The following ZNF2 variants were observed in gnomAD, a reference collection of about 807,000 sequenced individuals.
ZNF2 encodes zinc finger protein 2.
ZNF2 carries 12 observed loss-of-function variants against 21.9 expected under a neutral mutation model. That is an observed-to-expected ratio of 0.55 (90% CI 0.35 to 0.89). The LOEUF (loss-of-function observed/expected upper bound fraction) is 0.89. Among genes scored for constraint, ZNF2 ranks in the 40% least tolerant of loss-of-function variants. The probability of loss-of-function intolerance (pLI) is 0.01; values close to 1 mark genes in which losing one functional copy is unlikely to be tolerated. For synonymous variants in ZNF2, 186 were observed against 196.3 expected, an observed-to-expected ratio of 0.95 and a Z score of 0.44; for missense variants, 462 against 544.2, an observed-to-expected ratio of 0.85 and a Z score of 1.50.
At chr2:95,166,832 T>C (rs753391619) in intron 1 of ZNF2, among the ~76,000 whole-genome samples, 1 of 152,182 alleles carries the variant, frequency 6.6e-6, no homozygotes, top group Non-Finnish European at 1.5e-5. Flanking sequence ...TGGAATTGCC[T>C]AAAGGAAGAT....
rs1674706350 is a variant in ZNF2 at position 95,182,363 on chromosome 2, A to G, written c.*257A>G. ...TAGGATAGATGTTAGGAGGAGACAC[A>G]CCTCTTGTCTGAGAACCTAGGCCCC... On this transcript the variant is annotated 3_prime_UTR_variant, in exon 5 of 5. Transcript: ENST00000614034. 5.2e-6 allele frequency: 2 copies of G among 387,066 alleles called. No homozygotes were observed. The highest frequency in any genetic ancestry group is 9.2e-6 in the Non-Finnish European group (2 of 217,686). The allele number at this position is 387,066 out of a possible 1,614,324, so 24.0% of individuals were successfully genotyped here.
chr2:95,169,560 G>A (rs1411725395), intron 1 of ZNF2, among the ~76,000 whole-genome samples: 4 of 152,222 alleles, frequency 2.6e-5, no homozygotes, highest in East Asian at 1.9e-4. Flanking sequence ...TTCAAGACCC[G>A]CCCGGCCAAG....
chr2:95,179,370 G>T (rs1239975634), intron 3 of ZNF2, among the ~76,000 whole-genome samples: 1 of 152,172 alleles, frequency 6.6e-6, no homozygotes, highest in African/African-American at 2.4e-5. Flanking sequence ...TACACTGTAG[G>T]CAAGGTGATT....
chr2:95,177,268 C>T (rs72819466), intron 2 of ZNF2, among the ~76,000 whole-genome samples: 1,871 of 152,272 alleles, frequency 0.012, 19 homozygotes, highest in Non-Finnish European at 0.021. Flanking sequence ...TTCAGAAGCT[C>T]AGCTGTAAGT....
At position 95,183,934 on chromosome 2, in the gene ZNF2, A is replaced by G. The variant is rs1674777189; in HGVS notation, c.*1828A>G. 6.6e-6 allele frequency: 1 copy of G among 151,942 alleles called. No homozygotes were observed. Among genetic ancestry groups the G allele is most frequent in the Non-Finnish European group, 1.5e-5 (1 of 68,006 alleles). The allele number at this position is 151,942 out of a possible 1,614,324, so 9.4% of individuals were successfully genotyped here. ...CGTGCCCGGCCTATATTTTTATTTT[A>G]TTAAAGGTTAGGCACTAGATGACCT... On this transcript the variant is annotated 3_prime_UTR_variant, in exon 5 of 5. Transcript: ENST00000614034.
In ZNF2 at chr2:95,180,214, G is replaced by A. The variant is rs373120770; in HGVS notation, c.216G>A (p.Pro72=). 3.0e-5 allele frequency: 49 copies of A among 1,614,024 alleles called. No homozygotes were observed. The highest frequency in any genetic ancestry group is 1.0e-4 in the Admixed American group (6 of 60,004). The change falls in exon 4 of 5, where the codon CCG becomes CCA. Residue 72 remains proline (P), a synonymous_variant. Transcript: ENST00000614034. The part of the protein sequence containing the change: ...VIFQLKRGDK[P]WMVDLHGSEE... ...TCCAATTGAAGAGAGGGGACAAGCC[G>A]TGGATGGTAGATCTTCATGGGTCTG...
intron 1 of ZNF2, among the ~76,000 whole-genome samples, chr2:95,172,541 TTTA>T (rs1466370591): frequency 3.9e-5 from 6 of 152,184 alleles, no homozygotes; most frequent in African/African-American, 1.4e-4. Flanking sequence ...TCATTTACAT[TTTA>T]TTATGTGTTT....
chr2:95,166,382 T>C (rs1674041417), intron 1 of ZNF2, among the ~76,000 whole-genome samples: 1 of 151,918 alleles, frequency 6.6e-6, no homozygotes, highest in African/African-American at 2.4e-5. Context: ...TGGAGATAGT[T>C]TTTACAGAAA....
intron 1 of ZNF2, among the ~76,000 whole-genome samples, chr2:95,169,097 T>G (rs1674186849): frequency 1.3e-5 from 2 of 152,144 alleles, no homozygotes; most frequent in African/African-American, 4.8e-5. Context: ...GTGAGTTTGG[T>G]GGATTTGAGA....
intron 3 of ZNF2, among the ~76,000 whole-genome samples, chr2:95,178,238 G>A (rs527779976): frequency 1.7e-4 from 26 of 152,320 alleles, no homozygotes; most frequent in African/African-American, 5.8e-4. Context: ...TGGAGGTTAT[G>A]AGAACCTTTC....
chr2:95,166,695 G>A (rs1292738514), intron 1 of ZNF2, among the ~76,000 whole-genome samples: 1 of 152,180 alleles, frequency 6.6e-6, no homozygotes, highest in Non-Finnish European at 1.5e-5. Flanking sequence ...TGCAAAAGAA[G>A]AGTCAAAAGG....
At chr2:95,177,635 A>G (rs1256325892) in intron 3 of ZNF2, 26 bp downstream of exon 3, 11 of 1,610,328 alleles carry the variant, frequency 6.8e-6, no homozygotes, top group Admixed American at 5.1e-5. Context: ...ATGAGGAGGT[A>G]CAGTCTGTAC....
At chr2:95,166,120 C>T (rs1674022781) in intron 1 of ZNF2, among the ~76,000 whole-genome samples, 1 of 151,730 alleles carries the variant, frequency 6.6e-6, no homozygotes, top group Admixed American at 6.6e-5. Flanking sequence ...GAGTCTTCCT[C>T]CGCCTCTCCC....
At chr2:95,167,869 T>C (rs1377877676) in intron 1 of ZNF2, among the ~76,000 whole-genome samples, 1 of 148,096 alleles carries the variant, frequency 6.8e-6, no homozygotes, top group African/African-American at 2.5e-5. Flanking sequence ...AAAAAAGTAG[T>C]TTTCAAGCAT....
At chr2:95,168,568 G>A (rs575273786) in intron 1 of ZNF2, among the ~76,000 whole-genome samples, 3 of 152,162 alleles carry the variant, frequency 2.0e-5, no homozygotes, top group Non-Finnish European at 2.9e-5. Flanking sequence ...CACACATCTC[G>A]CTGCCCTAGC....
intron 1 of ZNF2, among the ~76,000 whole-genome samples, chr2:95,173,956 G>T (rs758949935): frequency 6.6e-6 from 1 of 152,196 alleles, no homozygotes; most frequent in Non-Finnish European, 1.5e-5. Flanking sequence ...TGATCCGCAT[G>T]TCTTGGCCTC....
intron 1 of ZNF2, among the ~76,000 whole-genome samples, chr2:95,166,112 G>A (rs1674022402): frequency 6.6e-6 from 1 of 151,964 alleles, no homozygotes; most frequent in Non-Finnish European, 1.5e-5. Context: ...GAGGTTTGGA[G>A]TCTTCCTCCG....
At chr2:95,173,398 C>T (rs1674346705) in intron 1 of ZNF2, among the ~76,000 whole-genome samples, 1 of 152,174 alleles carries the variant, frequency 6.6e-6, no homozygotes, top group Non-Finnish European at 1.5e-5. Flanking sequence ...AGTCATACAT[C>T]AGGCTTCCCT....
intron 1 of ZNF2, among the ~76,000 whole-genome samples, chr2:95,167,863 AAGT>A (rs1282035607): frequency 2.0e-5 from 3 of 151,878 alleles, no homozygotes; most frequent in East Asian, 3.9e-4. Context: ...AAAAAAAAAA[AAGT>A]AGTTTTCAAG....
Sources: gnomAD v4.1 joint callset for allele counts (sites outside exome capture counted in the v4.1 genomes callset) on GRCh38, gnomAD v4.1.1 for gene constraint, MANE v1.5 for transcripts, NCBI Gene and HGNC (gene_info 2026-07-23, HGNC 2026-07-21) for gene names.